Variants in GATA4 observed in about 807,000 individuals in gnomAD.
GATA4 encodes GATA binding protein 4.
Under a neutral mutation model 37.9 loss-of-function variants are expected in GATA4, and 7 were observed. The ratio of observed to expected loss-of-function variants is 0.18; its 90% CI spans 0.11 to 0.35. The LOEUF (loss-of-function observed/expected upper bound fraction) is 0.35. Ranked by LOEUF, GATA4 falls within the 10% of genes least tolerant of loss-of-function variation. The probability of loss-of-function intolerance (pLI) is 1.00; values close to 1 mark genes in which losing one functional copy is unlikely to be tolerated. For synonymous variants in GATA4, 372 were observed against 292.6 expected (o/e 1.27, Z -2.77); for missense variants, 647 against 653.0 (o/e 0.99, Z 0.10).
intron 1 of GATA4, chr8:11,692,993 C>A (rs954839721): frequency 1.0e-6 from 1 of 985,366 alleles, no homozygotes; most frequent in Non-Finnish European, 1.2e-6. Context: ...ATCACCCGGG[C>A]TGCACCCCCG....
intron 1 of GATA4, among the ~76,000 whole-genome samples, chr8:11,678,852 T>C (rs1399045429): frequency 3.3e-5 from 5 of 152,200 alleles, no homozygotes; most frequent in Non-Finnish European, 7.3e-5. Context: ...TGAAAGTGAT[T>C]TTGCATTCTC....
chr8:11,704,237 A>C lies in GATA4; in HGVS notation c.-525A>C, dbSNP rs1222296001. The C allele has an allele frequency of 6.6e-6, 1 of 152,250 alleles. No individual in the cohort carries two copies. Among genetic ancestry groups the C allele is most frequent in the East Asian group, 1.9e-4 (1 of 5,168 alleles). The allele number at this position is 152,250 out of a possible 1,614,324, so 9.4% of individuals were successfully genotyped here. A position where few individuals can be genotyped will look rare whatever the true frequency, so the allele number is the denominator to read the frequency against. Reference sequence around the variant, plus strand: ...AGGCGGCCGGCGCAGGGGCCGCGAGAGGCTTCGTCGCCGCTGCAGCTCCGG... The same window carrying C: ...AGGCGGCCGGCGCAGGGGCCGCGAGCGGCTTCGTCGCCGCTGCAGCTCCGG... On this transcript the variant is annotated 5_prime_UTR_variant, in exon 1 of 7. Coordinates refer to ENST00000532059, the MANE Select transcript of GATA4 (RefSeq NM_001308093.3).
chr8:11,741,934 C>T (rs532776942), intron 2 of GATA4, among the ~76,000 whole-genome samples: 23 of 152,316 alleles, frequency 1.5e-4, no homozygotes, highest in South Asian at 1.0e-3. Context: ...CTGTGGGCAG[C>T]GCTGGTGGGA....
At position 11,753,759 on chromosome 8, in the gene GATA4, C is replaced by T. The variant is rs142260315; in HGVS notation, c.913-1287C>T. Reference sequence around the variant, plus strand: ...AGTTCACATATGCTGGTGCATTTCTCGCTTAACCATTGCGTGTTCATGTCT... The same window carrying T: ...AGTTCACATATGCTGGTGCATTTCTTGCTTAACCATTGCGTGTTCATGTCT... On this transcript the variant is annotated intron_variant, in intron 4 of 6. Coordinates refer to ENST00000532059, the MANE Select transcript of GATA4 (RefSeq NM_001308093.3). Among the ~76,000 whole-genome samples, 381 of 152,312 alleles carry T rather than the reference C, an allele frequency of 2.5e-3. 4 individuals are homozygous for T. The highest frequency in any genetic ancestry group is 0.01 in the Middle Eastern group (3 of 294).
intron 2 of GATA4, among the ~76,000 whole-genome samples, chr8:11,746,130 G>A (rs1335486746): frequency 6.6e-6 from 1 of 152,008 alleles, no homozygotes; most frequent in Admixed American, 6.6e-5. Flanking sequence ...AATTAGCTGG[G>A]GATGGTAGCG....
At chr8:11,683,114 T>C in intron 1 of GATA4, 1 of 985,376 alleles carries the variant, frequency 1.0e-6, no homozygotes, top group Non-Finnish European at 1.2e-6. Context: ...GGAAAGCTCT[T>C]GGTGTGGTGG....
At chr8:11,747,030 C>T (rs1802066892) in intron 2 of GATA4, among the ~76,000 whole-genome samples, 1 of 152,224 alleles carries the variant, frequency 6.6e-6, no homozygotes, top group Non-Finnish European at 1.5e-5. Context: ...ACATAACTAG[C>T]AAAATGCGCA....
Position 11,708,203 on chromosome 8 carries a change from A to C in GATA4, c.-110A>C. ...TCCCCTTTGATTTTTGATCTTCGCGACAGTTCCTCCCACGCATATTATCGT... is the reference window on the plus strand; with the variant it reads ...TCCCCTTTGATTTTTGATCTTCGCGCCAGTTCCTCCCACGCATATTATCGT... On this transcript the variant is annotated 5_prime_UTR_variant, in exon 2 of 7. Coordinates refer to ENST00000532059, the MANE Select transcript of GATA4 (RefSeq NM_001308093.3). This position sits in a 1 kb window ranked among gnomAD's most constrained non-coding sequence, Gnocchi z 6.7. 8.1e-7 allele frequency: 1 copy of C among 1,235,688 alleles called. No homozygotes were observed. The highest frequency in any genetic ancestry group is 1.1e-6 in the Non-Finnish European group (1 of 875,286). The allele number at this position is 1,235,688 out of a possible 1,614,324, so 76.5% of individuals were successfully genotyped here.
intron 2 of GATA4, among the ~76,000 whole-genome samples, chr8:11,721,885 C>G (rs151188378): frequency 3.3e-5 from 5 of 152,336 alleles, no homozygotes; most frequent in Admixed American, 6.5e-5. Context: ...ATTCACCTAC[C>G]TCCCAGGAGG....
chr8:11,677,637 G>A (rs1798825116), intron 1 of GATA4, among the ~76,000 whole-genome samples: 1 of 152,228 alleles, frequency 6.6e-6, no homozygotes, highest in Non-Finnish European at 1.5e-5. Flanking sequence ...TTTGGGGTCA[G>A]AAAGTCTGTG....
chr8:11,730,323 C>A (rs1022070544), intron 2 of GATA4, among the ~76,000 whole-genome samples: 5 of 152,118 alleles, frequency 3.3e-5, no homozygotes, highest in Admixed American at 3.3e-4. Context: ...CCTAGGCTTT[C>A]GATTCTTGTG....
At position 11,708,267 on chromosome 8, in the gene GATA4, C is replaced by G; in HGVS notation, c.-46C>G. 1.3e-6 allele frequency: 2 copies of G among 1,548,200 alleles called. No homozygotes were observed. Among genetic ancestry groups the G allele is most frequent in the Non-Finnish European group, 1.7e-6 (2 of 1,153,088 alleles). On this transcript the variant is annotated 5_prime_UTR_variant, in exon 2 of 7. Coordinates refer to ENST00000532059, the MANE Select transcript of GATA4 (RefSeq NM_001308093.3). This position sits in a 1 kb window ranked among gnomAD's most constrained non-coding sequence, Gnocchi z 6.7. ...TTCTCTCCCCGCGTGGCTCCTTGAC[C>G]TGCGAGGGAGAGAGAGGACACCGAA... is the stretch of plus-strand genomic sequence containing the variant.
intron 2 of GATA4, among the ~76,000 whole-genome samples, chr8:11,711,406 G>A (rs1800176346): frequency 6.6e-6 from 1 of 152,202 alleles, no homozygotes; most frequent in Admixed American, 6.5e-5. Flanking sequence ...GGGAACACAG[G>A]GCATGTTGAA....
intron 2 of GATA4, among the ~76,000 whole-genome samples, chr8:11,722,095 G>T (rs1800702722): frequency 6.6e-6 from 1 of 152,244 alleles, no homozygotes. Flanking sequence ...CGATCCTCCT[G>T]CCTCAGCCTC....
At chr8:11,736,758 C>G (rs1003120639) in intron 2 of GATA4, among the ~76,000 whole-genome samples, 11 of 152,322 alleles carry the variant, frequency 7.2e-5, no homozygotes, top group African/African-American at 2.6e-4. Context: ...AGAAGAATCA[C>G]TGGTGCAGAG....
intron 1 of GATA4, chr8:11,693,190 G>C (rs1799379435): frequency 1.5e-6 from 1 of 680,722 alleles, no homozygotes; most frequent in Non-Finnish European, 1.8e-6. Context: ...GGCAAGCTGG[G>C]CGCGGTGGCG....
intron 2 of GATA4, among the ~76,000 whole-genome samples, chr8:11,723,820 A>C (rs1038236644): frequency 8.5e-5 from 13 of 152,216 alleles, no homozygotes; most frequent in Admixed American, 7.9e-4. Context: ...TAAACTATAC[A>C]TAAGATAAAA....
intron 2 of GATA4, among the ~76,000 whole-genome samples, chr8:11,728,476 C>G (rs565465411): frequency 6.6e-6 from 1 of 152,118 alleles, no homozygotes; most frequent in African/African-American, 2.4e-5. Flanking sequence ...TCAAGCACTC[C>G]GCCTTCCTCA....
chr8:11,747,451 T>A (rs1802089432), intron 2 of GATA4, among the ~76,000 whole-genome samples: 1 of 152,176 alleles, frequency 6.6e-6, no homozygotes, highest in Non-Finnish European at 1.5e-5. Context: ...GATGCTACGC[T>A]TATGTGAGCA....
Sources: allele counts gnomAD v4.1 joint callset (sites outside exome capture counted in the v4.1 genomes callset), GRCh38; gene constraint gnomAD v4.1.1; non-coding constraint Gnocchi (gnomAD v3.1); transcripts MANE v1.5; gene names NCBI Gene and HGNC (gene_info 2026-07-23, HGNC 2026-07-21).